The following WDR27 variants were observed in gnomAD, a reference collection of about 807,000 sequenced individuals.
WDR27 encodes the protein WD repeat domain 27.
In WDR27, 100 loss-of-function variants were observed where a neutral mutation model predicts 114.4. That is an observed-to-expected ratio of 0.87 (90% CI 0.74 to 1.03). The LOEUF is 1.03. Among genes scored for constraint, WDR27 ranks in the 50% least tolerant of loss-of-function variants. The pLI, the probability that WDR27 is intolerant of heterozygous loss-of-function variation, is 0.00. For missense variants in WDR27, 1,129 were observed against 1,092.9 expected, an observed-to-expected ratio of 1.03 and a Z score of -0.47; for synonymous variants, 449 against 423.1, an observed-to-expected ratio of 1.06 and a Z score of -0.75.
chr6:169,531,962 C>T (rs1433506667), intron 25 of WDR27, among the ~76,000 whole-genome samples: 1 of 152,174 alleles, frequency 6.6e-6, no homozygotes, highest in Admixed American at 6.5e-5. Flanking sequence ...AATTACTACT[C>T]TTTACAGTGG....
intron 22 of WDR27, among the ~76,000 whole-genome samples, chr6:169,604,232 T>C (rs1808651180): frequency 6.6e-6 from 1 of 151,620 alleles, no homozygotes; most frequent in Admixed American, 6.6e-5. Context: ...CAAGAAAAAA[T>C]GAAATCTAAG....
chr6:169,665,418 G>A, intron 7 of WDR27, 68 bp downstream of exon 7: 2 of 1,556,272 alleles, frequency 1.3e-6, no homozygotes, highest in Non-Finnish European at 1.7e-6. Context: ...TGAAGACAAA[G>A]ACCTTTGTGT....
intron 25 of WDR27, among the ~76,000 whole-genome samples, chr6:169,509,240 A>G (rs1792422782): frequency 6.6e-6 from 1 of 152,232 alleles, no homozygotes. Flanking sequence ...ATCCCCATCA[A>G]GCTACCAATG....
chr6:169,482,200 G>A (rs934101660), intron 25 of WDR27, among the ~76,000 whole-genome samples: 2 of 152,058 alleles, frequency 1.3e-5, no homozygotes, highest in African/African-American at 2.4e-5. Context: ...GTCTATTGCC[G>A]GTATGCATTT....
At chr6:169,572,002 C>G (rs1253186163) in intron 25 of WDR27, among the ~76,000 whole-genome samples, 1 of 152,130 alleles carries the variant, frequency 6.6e-6, no homozygotes, top group Admixed American at 6.6e-5. Context: ...GTTAAAAGTT[C>G]TGTAATTTCA....
chr6:169,530,076 G>C (rs1795408080), intron 25 of WDR27, among the ~76,000 whole-genome samples: 1 of 152,202 alleles, frequency 6.6e-6, no homozygotes, highest in South Asian at 2.1e-4. Context: ...TGTGACCGCA[G>C]TGTGCTCGGG....
chr6:169,579,641 A>G (rs79896500), intron 24 of WDR27, among the ~76,000 whole-genome samples: 3,187 of 152,304 alleles, frequency 0.021, 72 homozygotes, highest in East Asian at 0.087. Flanking sequence ...AAATGCATGG[A>G]AACAACCCAG....
chr6:169,597,597 C>A (rs1038324553), intron 23 of WDR27, among the ~76,000 whole-genome samples: 10 of 152,040 alleles, frequency 6.6e-5, no homozygotes, highest in Non-Finnish European at 1.5e-4. Flanking sequence ...GAATTCCCAC[C>A]CTACTAGCAG....
chr6:169,660,761 G>A lies in WDR27; in HGVS notation c.1031C>T (p.Ser344Phe), dbSNP rs73039194. The change falls in exon 10 of 26, where the codon TCT (serine) becomes TTT (phenylalanine). Residue 344 changes from serine to phenylalanine, a missense_variant. Ser to Phe is a radical substitution (Grantham distance 155). Coordinates refer to ENST00000448612, the MANE Select transcript of WDR27 (RefSeq NM_182552.5). ...CCACACACATCGGGTGTTCTCAGAAGAAAGACTGATTTAAGGAAAAAAAGA... is the reference window on the plus strand; with the variant it reads ...CCACACACATCGGGTGTTCTCAGAAAAAAGACTGATTTAAGGAAAAAAAGA... ...LIPNSACGCLSSENTRCVWIG... is the reference protein window; with the variant it reads ...LIPNSACGCLFSENTRCVWIG... The A allele has an allele frequency of 7.9e-5, 128 of 1,613,278 alleles. No homozygotes were observed. The highest frequency in any genetic ancestry group is 1.1e-4 in the Non-Finnish European group (125 of 1,179,650).
At chr6:169,554,120 G>A (rs1263522145) in intron 25 of WDR27, among the ~76,000 whole-genome samples, 1 of 152,166 alleles carries the variant, frequency 6.6e-6, no homozygotes, top group African/African-American at 2.4e-5. Context: ...ATAACCAAGT[G>A]GAATAAGGCA....
chr6:169,642,502 T>C (rs1025184926), intron 17 of WDR27, among the ~76,000 whole-genome samples: 1 of 152,038 alleles, frequency 6.6e-6, no homozygotes, highest in Non-Finnish European at 1.5e-5. Context: ...ACTGTGAAGA[T>C]TCTGAGGCTG....
chr6:169,476,997 A>T (rs1001048370), intron 25 of WDR27, among the ~76,000 whole-genome samples: 3 of 152,242 alleles, frequency 2.0e-5, no homozygotes, highest in Non-Finnish European at 4.4e-5. Flanking sequence ...TTAACTAAAC[A>T]GATTCAGATC....
At chr6:169,557,663 G>T (rs557304434) in intron 25 of WDR27, among the ~76,000 whole-genome samples, 28 of 152,262 alleles carry the variant, frequency 1.8e-4, no homozygotes, top group African/African-American at 5.8e-4. Flanking sequence ...TGGGCATGGT[G>T]GCCCACACCT....
At chr6:169,660,828 C>G (rs551863306) in intron 9 of WDR27, 62 bp from the exon 10 acceptor site, 9 of 1,462,544 alleles carry the variant, frequency 6.2e-6, no homozygotes, top group Non-Finnish European at 9.4e-7. Context: ...TTGGGCCCCA[C>G]GTGCGCCCCC....
chr6:169,622,312 G>A lies in WDR27; in HGVS notation c.2224-8656C>T, dbSNP rs1394366902. Among the ~76,000 whole-genome samples, 3 of 152,300 alleles carry A rather than the reference G, an allele frequency of 2.0e-5. No individual in the cohort carries two copies. In the East Asian group the frequency reaches 5.8e-4, roughly 29 times the overall value. ...AATGTCGTCAGGACCTCCTGAGGCT[G>A]TGTCACGGCACCCATCCCCAACCTG... On this transcript the variant is annotated intron_variant, in intron 21 of 25. Coordinates refer to ENST00000448612, the MANE Select transcript of WDR27 (RefSeq NM_182552.5).
At chr6:169,608,442 G>A (rs1809741829) in intron 22 of WDR27, among the ~76,000 whole-genome samples, 1 of 152,138 alleles carries the variant, frequency 6.6e-6, no homozygotes, top group Non-Finnish European at 1.5e-5. Flanking sequence ...CACATGCCTG[G>A]GAAAGCCTCA....
chr6:169,430,832 G>T, the WDR27 span, among the ~76,000 whole-genome samples: 5 of 152,220 alleles, frequency 3.3e-5, no homozygotes, highest in Non-Finnish European at 7.3e-5. Context: ...TCCCGGTGGG[G>T]AGGAAGTTGA....
rs772692794 is a variant in WDR27 at position 169,633,058 on chromosome 6, G to A, written c.2112C>T (p.Leu704=). The A allele has an allele frequency of 3.3e-5, 52 of 1,582,018 alleles. No homozygotes were observed. Among genetic ancestry groups the A allele is most frequent in the East Asian group, 1.8e-4 (8 of 44,036 alleles). The change falls in exon 21 of 26, where the codon CTC becomes CTT. Residue 704 remains leucine (L), a synonymous_variant. Transcript: ENST00000448612. ...CCACGGTCCTGTTCCGGCCAGCTGCGAGTACGATGTCTGCGATAATCCAGT... is the reference window on the plus strand; with the variant it reads ...CCACGGTCCTGTTCCGGCCAGCTGCAAGTACGATGTCTGCGATAATCCAGT... The part of the protein sequence containing the change: ...AVNDFYSHIV[L]AAGRNRTVEV...
intron 23 of WDR27, among the ~76,000 whole-genome samples, chr6:169,583,566 A>G (rs942097667): frequency 6.7e-6 from 1 of 149,736 alleles, no homozygotes; most frequent in African/African-American, 2.5e-5. Context: ...TATATCCAGA[A>G]TTGCCATCAA....
Sources: gnomAD v4.1 joint callset for allele counts (sites outside exome capture counted in the v4.1 genomes callset) on GRCh38, gnomAD v4.1.1 for gene constraint, MANE v1.5 for transcripts, NCBI Gene and HGNC (gene_info 2026-07-23, HGNC 2026-07-21) for gene names.